PHF6: variants seen among roughly 807,000 people sequenced by gnomAD.
The protein encoded by PHF6 is PHD-like zinc finger protein.
PHF6 carries 7 observed loss-of-function variants against 34.0 expected under a neutral mutation model. That is an observed-to-expected ratio of 0.21 (90% CI 0.12 to 0.39). PHF6 has a LOEUF of 0.39. Among genes scored for constraint, PHF6 ranks in the 10% least tolerant of loss-of-function variants. The probability of loss-of-function intolerance (pLI) is 1.00; values close to 1 mark genes in which losing one functional copy is unlikely to be tolerated. For missense variants in PHF6, 128 were observed against 262.8 expected, an observed-to-expected ratio of 0.49 and a Z score of 3.55; for synonymous variants, 89 against 88.4, an observed-to-expected ratio of 1.01 and a Z score of -0.04.
At chrX:134,394,897 GC>G (rs1250146956) in intron 5 of PHF6, among the ~76,000 whole-genome samples, 1 of 103,143 alleles carries the variant, frequency 9.7e-6, no homozygotes, top group Non-Finnish European at 2.0e-5. Flanking sequence ...TCGCTCTGTT[GC>G]CCAGAGTGCA....
intron 3 of PHF6, among the ~76,000 whole-genome samples, chrX:134,389,088 G>C (rs1290297707): frequency 9.0e-6 from 1 of 111,405 alleles, no homozygotes; most frequent in Admixed American, 9.7e-5. Flanking sequence ...TAATTATTAA[G>C]GTTTACTAGG....
chrX:134,395,122 G>A (rs769672477), intron 5 of PHF6, among the ~76,000 whole-genome samples: 2 of 111,583 alleles, frequency 1.8e-5, no homozygotes, highest in East Asian at 5.6e-4. Context: ...CAAAGTGCTG[G>A]GATTACAGGC....
chrX:134,410,919 C>T (rs1171524307), intron 5 of PHF6, among the ~76,000 whole-genome samples: 1 of 104,706 alleles, frequency 9.6e-6, no homozygotes, highest in Non-Finnish European at 1.9e-5. Context: ...TGCGCCCGGC[C>T]TTTTTCCAGT....
chrX:134,384,798 C>T (rs1306821614), intron 3 of PHF6, among the ~76,000 whole-genome samples: 1 of 110,130 alleles, frequency 9.1e-6, no homozygotes, highest in Non-Finnish European at 1.9e-5. Flanking sequence ...ACTACAGGCG[C>T]CCACCACCGC....
chrX:134,419,882 C>G (rs2077484792), intron 9 of PHF6: 1 of 111,874 alleles, frequency 8.9e-6, no homozygotes. Flanking sequence ...TAAGCTGATG[C>G]AAGACAAAAA....
At chrX:134,403,384 G>A (rs2077410567) in intron 5 of PHF6, among the ~76,000 whole-genome samples, 1 of 112,163 alleles carries the variant, frequency 8.9e-6, no homozygotes, top group Non-Finnish European at 1.9e-5. Flanking sequence ...TCCAGAGCAA[G>A]CCTCTAATTC....
intron 9 of PHF6, among the ~76,000 whole-genome samples, chrX:134,424,040 A>G (rs2077500237): frequency 9.1e-6 from 1 of 109,448 alleles, no homozygotes; most frequent in Non-Finnish European, 1.9e-5. Context: ...CAGCACACCA[A>G]CATGGCACAT....
At chrX:134,382,030 A>G (rs971945231) in intron 3 of PHF6, among the ~76,000 whole-genome samples, 2 of 111,626 alleles carry the variant, frequency 1.8e-5, no homozygotes, top group Non-Finnish European at 3.8e-5. Context: ...TTGAGGTTAA[A>G]GTGTACGTAT....
chrX:134,377,990 AAATGT>A lies in PHF6; in HGVS notation c.139-11_139-7del, dbSNP rs781657256. On this transcript the variant is annotated splice_polypyrimidine_tract_variant and intron_variant, in intron 2 of 10. Transcript: ENST00000370803. The stretch of plus-strand genomic sequence containing the variant: ...TTATATATGAACCTTAATTTTTTTT[AAATGT>A]AATTTATAGCTCTTTTCATCTGCTT... The A allele has an allele frequency of 2.3e-4, 260 of 1,132,138 alleles. No homozygotes were observed. In the African/African-American group the frequency reaches 4.4e-3, roughly 19 times the overall value. 93.3% of individuals were successfully genotyped at this position (1,132,138 alleles called of 1,213,427 possible). A position where few individuals can be genotyped will look rare whatever the true frequency, so the allele number is the denominator to read the frequency against.
chrX:134,376,632 A>C (rs1257290605), intron 1 of PHF6, among the ~76,000 whole-genome samples: 1 of 111,893 alleles, frequency 8.9e-6, no homozygotes, highest in Non-Finnish European at 1.9e-5. Context: ...ACACAATATT[A>C]CTAATTTAAG....
At chrX:134,393,992 A>T (rs1440755701) in intron 5 of PHF6, 40 bp downstream of exon 5, 12 of 1,159,127 alleles carry the variant, frequency 1.0e-5, no homozygotes, top group Non-Finnish European at 1.3e-5. Context: ...TTTCAGTTTC[A>T]AGAAGAAATT....
At chrX:134,411,236 G>A (rs945937802) in intron 5 of PHF6, among the ~76,000 whole-genome samples, 1 of 111,381 alleles carries the variant, frequency 9.0e-6, no homozygotes, top group Non-Finnish European at 1.9e-5. Context: ...ACAGGTGTGA[G>A]CCACCACACC....
In PHF6 at chrX:134,396,911, T is replaced by C. The variant is rs183532882; in HGVS notation, c.418+2959T>C. ...AAAAAAAAAAAAAAAAGAATTGTAC[T>C]GCACTAGTCTCCAGAACAAAGATGA... is the stretch of plus-strand genomic sequence containing the variant. On this transcript the variant is annotated intron_variant, in intron 5 of 10. Coordinates refer to ENST00000370803, the MANE Select transcript of PHF6 (RefSeq NM_001015877.2). Among the ~76,000 whole-genome samples the C allele has an allele frequency of 3.2e-3, 345 of 109,402 alleles. 2 individuals carry two copies. Among genetic ancestry groups the C allele is most frequent in the African/African-American group, 0.011 (328 of 30,184 alleles).
At position 134,415,160 on chromosome X, in the gene PHF6, A is replaced by C. The variant is rs752972822; in HGVS notation, c.834+40A>C. ...TATTTGTTATGCAACATTACACTTG[A>C]TTTGCTGCTTTAAATTTAGAGTACA... On this transcript the variant is annotated intron_variant, in intron 8 of 10. Coordinates refer to ENST00000370803, the MANE Select transcript of PHF6 (RefSeq NM_001015877.2). The C allele has an allele frequency of 7.5e-6, 9 of 1,207,265 alleles. No individual in the cohort carries two copies. In the South Asian group the frequency reaches 1.4e-4, roughly 19 times the overall value.
intron 9 of PHF6, chrX:134,417,957 A>G (rs1243188570): frequency 8.9e-6 from 1 of 112,247 alleles, no homozygotes; most frequent in African/African-American, 3.2e-5. Context: ...TGCAATTACA[A>G]CATAGCAGCG....
intron 3 of PHF6, among the ~76,000 whole-genome samples, chrX:134,380,737 C>T (rs1187825413): frequency 8.9e-6 from 1 of 112,191 alleles, no homozygotes; most frequent in African/African-American, 3.2e-5. Context: ...TAGATAATGA[C>T]AGTACTTGCC....
intron 9 of PHF6, 65 bp downstream of exon 9, chrX:134,417,367 T>A: frequency 9.2e-7 from 1 of 1,091,674 alleles, no homozygotes; most frequent in Non-Finnish European, 1.3e-6. Context: ...TAGATGACAT[T>A]AGTTTACTCA....
intron 3 of PHF6, among the ~76,000 whole-genome samples, chrX:134,385,932 C>T (rs751765328): frequency 4.5e-5 from 5 of 111,542 alleles, no homozygotes; most frequent in Non-Finnish European, 7.5e-5. Flanking sequence ...TCTACCAGCA[C>T]AATGCTAGGT....
At chrX:134,393,433 G>A in intron 3 of PHF6, 68 bp from the exon 4 acceptor site, 1 of 1,081,923 alleles carries the variant, frequency 9.2e-7, no homozygotes, top group Non-Finnish European at 1.3e-6. Flanking sequence ...AAATTGATAT[G>A]CCTCTAATCT....
Sources: allele counts gnomAD v4.1 joint callset (sites outside exome capture counted in the v4.1 genomes callset), GRCh38; gene constraint gnomAD v4.1.1; transcripts MANE v1.5; gene names NCBI Gene and HGNC (gene_info 2026-07-23, HGNC 2026-07-21).